The following GALNT6 variants were observed in gnomAD, a reference collection of about 807,000 sequenced individuals.
GALNT6 encodes GalNAc transferase 6.
Under a neutral mutation model 65.9 loss-of-function variants are expected in GALNT6, and 51 were observed. The observed-to-expected ratio is 0.77, with a 90% CI of 0.62 to 0.98. GALNT6 has a LOEUF of 0.98. GALNT6 is among the 50% of genes least tolerant of loss of function. The probability of loss-of-function intolerance (pLI) is 0.00; values close to 1 mark genes in which losing one functional copy is unlikely to be tolerated. For synonymous variants in GALNT6, 323 were observed against 315.1 expected (o/e 1.02, Z -0.26); for missense variants, 708 against 803.3 (o/e 0.88, Z 1.43).
rs1009377868 is a variant in GALNT6, at chr12:51,357,502, C to G, written c.1501-52G>C. 4.3e-6 allele frequency: 6 copies of G among 1,384,878 alleles called. No individual in the cohort carries two copies. In the Admixed American group the frequency reaches 1.0e-4, roughly 23 times the overall value. 85.8% of individuals were successfully genotyped at this position (1,384,878 alleles called of 1,614,324 possible). On this transcript the variant is annotated intron_variant, in intron 9 of 11. Transcript: ENST00000356317. ...AGCAGGATGGCACAGTCAGGAGGTT[C>G]CTCATGTGTGGTATGGGGCCCCACT...
rs1946621284 is a variant in GALNT6, at chr12:51,351,909, G to A, written c.*2470C>T. On this transcript the variant is annotated 3_prime_UTR_variant, in exon 12 of 12. Transcript: ENST00000356317. ...GCCAGAAAACCTTTATTTCCACTGA[G>A]ACCTCTCATCCAATTCTCTTCTTTC... The A allele has an allele frequency of 6.6e-6, 1 of 152,082 alleles. No individual in the cohort carries two copies. Among genetic ancestry groups the A allele is most frequent in the Non-Finnish European group, 1.5e-5 (1 of 68,024 alleles). 9.4% of individuals were successfully genotyped at this position (152,082 alleles called of 1,614,324 possible).
chr12:51,390,165 T>C (rs1339775304), intron 2 of GALNT6, among the ~76,000 whole-genome samples: 7 of 115,624 alleles, frequency 6.1e-5, no homozygotes, highest in Non-Finnish European at 1.0e-4. Flanking sequence ...TCTTTTTTTT[T>C]TTTTTTTTTT....
chr12:51,377,102 A>C, intron 4 of GALNT6, 93 bp downstream of exon 4: 1 of 1,038,524 alleles, frequency 9.6e-7, no homozygotes, highest in South Asian at 1.4e-5. Flanking sequence ...CAGGCTCATG[A>C]GGTGGTGCCT....
rs532594080 is a variant in GALNT6, at chr12:51,362,335, G to A, written c.1050-1497C>T. 7.9e-5 allele frequency among the ~76,000 whole-genome samples: 12 copies of A among 152,238 alleles called. No individual in the cohort carries two copies. The South Asian group carries it at 2.3e-3, about 29-fold the overall frequency. On this transcript the variant is annotated intron_variant, in intron 6 of 11. Coordinates refer to ENST00000356317, the MANE Select transcript of GALNT6 (RefSeq NM_007210.4). The stretch of plus-strand genomic sequence containing the variant: ...TCTAGTAAACACCCTTTATGTCCTG[G>A]CCTACCCCTAGAATCCCCCAGGTCC...
At chr12:51,373,822 C>T (rs1358546079) in intron 4 of GALNT6, among the ~76,000 whole-genome samples, 1 of 152,152 alleles carries the variant, frequency 6.6e-6, no homozygotes, top group African/African-American at 2.4e-5. Flanking sequence ...TCCACCAGAC[C>T]CTGTCATTGC....
intron 3 of GALNT6, 68 bp downstream of exon 3, chr12:51,379,220 GGCC>G: frequency 1.4e-6 from 2 of 1,445,744 alleles, no homozygotes; most frequent in Non-Finnish European, 1.9e-6. Flanking sequence ...CTTGATCTAT[GGCC>G]CTGGCCATAC....
chr12:51,362,856 T>TC (rs1228209242), intron 6 of GALNT6, among the ~76,000 whole-genome samples: 1 of 84,572 alleles, frequency 1.2e-5, no homozygotes, highest in Non-Finnish European at 2.8e-5. Context: ...TGAGCAGGTT[T>TC]TTTTTTTTTT....
chr12:51,371,190 T>G (rs900126568), intron 4 of GALNT6, among the ~76,000 whole-genome samples: 2 of 151,958 alleles, frequency 1.3e-5, no homozygotes, highest in African/African-American at 2.4e-5. Flanking sequence ...TTCAAGCAAT[T>G]CTTCTGCCTC....
At position 51,378,310 on chromosome 12, in the gene GALNT6, A is replaced by G. The variant is rs1246374791; in HGVS notation, c.492-943T>C. Among the ~76,000 whole-genome samples the G allele has an allele frequency of 2.0e-5, 3 of 152,256 alleles. No individual in the cohort carries two copies. In the East Asian group the frequency reaches 5.8e-4, roughly 29 times the overall value. On this transcript the variant is annotated intron_variant, in intron 3 of 11. Coordinates refer to ENST00000356317, the MANE Select transcript of GALNT6 (RefSeq NM_007210.4). ...GCTGGGATTACAGGCACCCACTACC[A>G]TGCCGGGCTAATTTTTTTGTATTTT...
intron 2 of GALNT6, among the ~76,000 whole-genome samples, chr12:51,385,233 C>T (rs1444320538): frequency 2.0e-5 from 3 of 152,180 alleles, no homozygotes; most frequent in Non-Finnish European, 4.4e-5. Flanking sequence ...AAGCAATCCT[C>T]CTGCCTTGAC....
At chr12:51,390,068 A>G (rs1947986538) in intron 2 of GALNT6, among the ~76,000 whole-genome samples, 1 of 151,970 alleles carries the variant, frequency 6.6e-6, no homozygotes, top group Non-Finnish European at 1.5e-5. Flanking sequence ...TGGCACCATT[A>G]AGGAACTGGA....
chr12:51,356,059 AGTGAATGTGAGG>A, intron 10 of GALNT6, 101 bp from the exon 11 acceptor site: 1 of 1,010,944 alleles, frequency 9.9e-7, no homozygotes, highest in Non-Finnish European at 1.5e-6. Flanking sequence ...TGGGGAGGAG[AGTGAATGTGAGG>A]CCATGCCAAG....
At chr12:51,379,182 A>G (rs1239491733) in intron 3 of GALNT6, 109 bp downstream of exon 3, 13 of 1,116,448 alleles carry the variant, frequency 1.2e-5, no homozygotes, top group Non-Finnish European at 7.5e-6. Flanking sequence ...CCCATATTAT[A>G]AAATTCCCTT....
intron 2 of GALNT6, among the ~76,000 whole-genome samples, chr12:51,390,136 A>C (rs1346836830): frequency 8.1e-5 from 6 of 74,416 alleles, no homozygotes; most frequent in Non-Finnish European, 7.8e-5. Flanking sequence ...ATCAAAGCAT[A>C]TTTCTTTCTT....
rs542508559 is a variant in GALNT6, at chr12:51,351,689, C to T, written c.*2690G>A. 25 of 152,356 alleles carry T rather than the reference C, an allele frequency of 1.6e-4. No homozygotes were observed. The highest frequency in any genetic ancestry group is 5.5e-4 in the African/African-American group (23 of 41,584). The allele number at this position is 152,356 out of a possible 1,614,324, so 9.4% of individuals were successfully genotyped here. Reference sequence around the variant, plus strand: ...TGTGAGTTCCACGGGGACAGGACCTCGTTTGACGTCTCACGTCTCCACGTG... The same window carrying T: ...TGTGAGTTCCACGGGGACAGGACCTTGTTTGACGTCTCACGTCTCCACGTG... On this transcript the variant is annotated 3_prime_UTR_variant, in exon 12 of 12. Coordinates refer to ENST00000356317, the MANE Select transcript of GALNT6 (RefSeq NM_007210.4).
rs752908979 is a variant in GALNT6, at chr12:51,364,223, C to G, written c.947G>C (p.Arg316Thr). 2.5e-6 allele frequency: 4 copies of G among 1,614,124 alleles called. No homozygotes were observed. In the East Asian group the frequency reaches 8.9e-5, roughly 36 times the overall value. Residue 316 changes from arginine to threonine, a missense_variant, in exon 6 of 12, where the codon AGA becomes ACA. By Grantham distance (71) the Arg-to-Thr change is moderately conservative. Coordinates refer to ENST00000356317, the MANE Select transcript of GALNT6 (RefSeq NM_007210.4). Reference protein sequence around the residue: ...FEFAKPVQRGRVHSRGNFDWS... With the variant: ...FEFAKPVQRGTVHSRGNFDWS... ...GTCAAAGTTGCCTCGGCTATGGACT[C>G]TGCCCCTCTGGACGGGCTTGGCGAA...
At chr12:51,391,478 C>CGGAGGAGGAGGTGAGAG (rs1948103317), upstream of GALNT6, 3 of 156,506 alleles carry the variant, frequency 1.9e-5, no homozygotes, top group Non-Finnish European at 2.8e-5. Context: ...CGAAGGCTGG[C>CGGAGGAGGAGGTGAGAG]GGAGGAGGAG....
At chr12:51,372,276 A>AGG (rs1287395006) in intron 4 of GALNT6, among the ~76,000 whole-genome samples, 55 of 152,268 alleles carry the variant, frequency 3.6e-4, no homozygotes, top group Non-Finnish European at 4.4e-5. Flanking sequence ...TGGCATGATC[A>AGG]GGGCTCACTG....
chr12:51,366,197 C>A (rs1489289312), intron 4 of GALNT6, among the ~76,000 whole-genome samples: 1 of 152,220 alleles, frequency 6.6e-6, no homozygotes, highest in East Asian at 1.9e-4. Context: ...GGATTACAGG[C>A]ATGAGCCACC....
Sources: allele counts gnomAD v4.1 joint callset (sites outside exome capture counted in the v4.1 genomes callset), GRCh38; gene constraint gnomAD v4.1.1; transcripts MANE v1.5; gene names NCBI Gene and HGNC (gene_info 2026-07-23, HGNC 2026-07-21).